Variants in SWAP70 observed in about 807,000 individuals in gnomAD.
The protein encoded by SWAP70 is switch-associated protein 70.
Under a neutral mutation model 80.2 loss-of-function variants are expected in SWAP70, and 34 were observed. The observed-to-expected ratio is 0.42, with a 90% CI of 0.32 to 0.56. SWAP70 has a LOEUF of 0.56. Among genes scored for constraint, SWAP70 ranks in the 20% least tolerant of loss-of-function variants. SWAP70 has a pLI of 0.09. For missense variants in SWAP70, 578 were observed against 690.7 expected, an observed-to-expected ratio of 0.84 and a Z score of 1.83; for synonymous variants, 239 against 238.5, an observed-to-expected ratio of 1.00 and a Z score of -0.02.
At position 9,715,672 on chromosome 11, in the gene SWAP70, TC is replaced by T. The variant is rs546002841; in HGVS notation, c.414+2035del. Among the ~76,000 whole-genome samples the T allele has an allele frequency of 1.0e-3, 153 of 152,304 alleles. 1 individual carries two copies. Among genetic ancestry groups the T allele is most frequent in the African/African-American group, 3.5e-3 (147 of 41,556 alleles). ...GAAGAGAGCTTGTGCAGGGAAACTCTCCTTTATAAAGCCATCAGATCTCATG... is the reference window on the plus strand; with the variant it reads ...GAAGAGAGCTTGTGCAGGGAAACTCTCTTTATAAAGCCATCAGATCTCATG... On this transcript the variant is annotated intron_variant, in intron 3 of 11. Transcript: ENST00000318950.
At chr11:9,683,349 G>A (rs1487029106) in intron 1 of SWAP70, among the ~76,000 whole-genome samples, 1 of 151,980 alleles carries the variant, frequency 6.6e-6, no homozygotes, top group East Asian at 1.9e-4. Flanking sequence ...CCAGGAGGTC[G>A]AGCCTGTGGT....
At chr11:9,676,261 G>T (rs902671672) in intron 1 of SWAP70, among the ~76,000 whole-genome samples, 5 of 152,200 alleles carry the variant, frequency 3.3e-5, no homozygotes, top group African/African-American at 9.7e-5. Context: ...ATGGAAAGGG[G>T]TTTTCTTTAT....
Position 9,694,244 on chromosome 11 carries a change from C to A in SWAP70, c.198C>A (p.Asn66Lys), listed in dbSNP as rs1850728377. 1 of 1,613,106 alleles carries A rather than the reference C, an allele frequency of 6.2e-7. No individual in the cohort carries two copies. Among genetic ancestry groups the A allele is most frequent in the South Asian group, 1.1e-5 (1 of 90,896 alleles). Residue 66 changes from asparagine (N) to lysine (K), a missense_variant, in exon 2 of 12, where the codon AAC becomes AAA. Asn to Lys is a moderately conservative substitution (Grantham distance 94). Coordinates refer to ENST00000318950, the MANE Select transcript of SWAP70 (RefSeq NM_015055.4). Reference sequence around the variant, plus strand: ...ATGATGATGAGGGTCCAGTGTCCAACCAGGGCTACATGCCTTATTTAAACA... The same window carrying A: ...ATGATGATGAGGGTCCAGTGTCCAAACAGGGCTACATGCCTTATTTAAACA... ...FRDDDEGPVS[N>K]QGYMPYLNRF...
intron 3 of SWAP70, among the ~76,000 whole-genome samples, chr11:9,718,172 T>C (rs1201777553): frequency 6.6e-6 from 1 of 152,224 alleles, no homozygotes; most frequent in East Asian, 1.9e-4. Flanking sequence ...CAGCCTTTCT[T>C]TGATTTGTTA....
chr11:9,671,535 TATAG>T (rs1850390691), intron 1 of SWAP70, among the ~76,000 whole-genome samples: 12 of 24,440 alleles, frequency 4.9e-4, no homozygotes, highest in Non-Finnish European at 8.2e-4. Flanking sequence ...TATATAAATA[TATAG>T]AAATATATAG....
chr11:9,684,162 A>G (rs970893310), intron 1 of SWAP70, among the ~76,000 whole-genome samples: 1 of 152,114 alleles, frequency 6.6e-6, no homozygotes, highest in Non-Finnish European at 1.5e-5. Flanking sequence ...GCTCACTGCA[A>G]CCTTGAACTC....
intron 8 of SWAP70, among the ~76,000 whole-genome samples, chr11:9,739,113 T>C (rs540877268): frequency 1.3e-5 from 2 of 152,336 alleles, no homozygotes; most frequent in East Asian, 3.8e-4. Context: ...TGAGAACATC[T>C]AGAGTCTGAT....
chr11:9,731,474 AT>A (rs1851297073), intron 6 of SWAP70, among the ~76,000 whole-genome samples: 1 of 152,232 alleles, frequency 6.6e-6, no homozygotes, highest in Admixed American at 6.5e-5. Context: ...ATACTCACAC[AT>A]TTTTCAAAAT....
chr11:9,680,624 C>T (rs1201616563), intron 1 of SWAP70, among the ~76,000 whole-genome samples: 1 of 152,134 alleles, frequency 6.6e-6, no homozygotes, highest in African/African-American at 2.4e-5. Context: ...CCATGTTGGC[C>T]AGGCTGGTGT....
chr11:9,722,960 A>G (rs1217562378), intron 3 of SWAP70, among the ~76,000 whole-genome samples: 1 of 152,192 alleles, frequency 6.6e-6, no homozygotes, highest in African/African-American at 2.4e-5. Flanking sequence ...GCATCCCCTG[A>G]TCTATGGTAT....
intron 1 of SWAP70, among the ~76,000 whole-genome samples, chr11:9,693,612 A>C (rs141086848): frequency 6.6e-6 from 1 of 152,150 alleles, no homozygotes; most frequent in Non-Finnish European, 1.5e-5. Flanking sequence ...ATTCCTAATT[A>C]ATATTTGGTA....
chr11:9,686,899 CAGT>C (rs552502032), intron 1 of SWAP70, among the ~76,000 whole-genome samples: 63 of 152,276 alleles, frequency 4.1e-4, no homozygotes, highest in Non-Finnish European at 7.8e-4. Flanking sequence ...CCAAAAATGT[CAGT>C]AGTACTGAAG....
chr11:9,688,258 G>A (rs1014001489), intron 1 of SWAP70, among the ~76,000 whole-genome samples: 3 of 152,350 alleles, frequency 2.0e-5, no homozygotes, highest in Admixed American at 2.0e-4. Flanking sequence ...ATGCAATGTT[G>A]TATAAGATAT....
At chr11:9,685,808 AT>A (rs1234965883) in intron 1 of SWAP70, among the ~76,000 whole-genome samples, 2 of 151,950 alleles carry the variant, frequency 1.3e-5, no homozygotes, top group African/African-American at 4.8e-5. Context: ...TAATTTTTGT[AT>A]TTTTAGTAGA....
chr11:9,667,963 AC>A lies in SWAP70; in HGVS notation c.99+3686del, dbSNP rs572249385. 1.4e-4 allele frequency among the ~76,000 whole-genome samples: 21 copies of A among 152,340 alleles called. No individual in the cohort carries two copies. In the South Asian group the frequency reaches 1.7e-3, roughly 12 times the overall value. ...GAGTGCAGTGGTGCGATCTTGGCTC[AC>A]TGCAACCTCTGCTTCCTGGGTTCAA... is the stretch of plus-strand genomic sequence containing the variant. On this transcript the variant is annotated intron_variant, in intron 1 of 11. Transcript: ENST00000318950.
intron 7 of SWAP70, among the ~76,000 whole-genome samples, chr11:9,733,638 T>C (rs1851328132): frequency 6.6e-6 from 1 of 152,248 alleles, no homozygotes; most frequent in Non-Finnish European, 1.5e-5. Context: ...TCCTCATTTC[T>C]TACTGCCTCC....
chr11:9,698,055 G>C (rs556063721), intron 2 of SWAP70, among the ~76,000 whole-genome samples: 5 of 150,726 alleles, frequency 3.3e-5, no homozygotes, highest in Non-Finnish European at 7.4e-5. Context: ...CACAGTCCTG[G>C]GATTACAGAT....
At chr11:9,703,404 G>C in intron 2 of SWAP70, 1 of 456,186 alleles carries the variant, frequency 2.2e-6, no homozygotes, top group Non-Finnish European at 4.4e-6. Flanking sequence ...AGATTACCAA[G>C]ACCCTTCCTG....
intron 2 of SWAP70, among the ~76,000 whole-genome samples, chr11:9,706,944 A>G (rs867624038): frequency 6.6e-6 from 1 of 151,046 alleles, no homozygotes; most frequent in Non-Finnish European, 1.5e-5. Flanking sequence ...GGAAGGAAGC[A>G]TTTTTTTTCT....
Sources: gnomAD v4.1 joint callset for allele counts (sites outside exome capture counted in the v4.1 genomes callset) on GRCh38, gnomAD v4.1.1 for gene constraint, MANE v1.5 for transcripts, NCBI Gene and HGNC (gene_info 2026-07-23, HGNC 2026-07-21) for gene names.